NRXN3: variants seen among roughly 807,000 people sequenced by gnomAD.
NRXN3 encodes the protein neurexin 3.
A neutral mutation model predicts 137.6 loss-of-function variants in NRXN3; 32 were observed. The observed-to-expected ratio is 0.23, with a 90% confidence interval of 0.18 to 0.31. The LOEUF is 0.31. Ranked by LOEUF, NRXN3 falls within the 10% of genes least tolerant of loss-of-function variation. The probability of loss-of-function intolerance (pLI) is 1.00; values close to 1 mark genes in which losing one functional copy is unlikely to be tolerated. For missense variants in NRXN3, 1,574 were observed against 2,062.5 expected, an observed-to-expected ratio of 0.76 and a Z score of 4.59; for synonymous variants, 798 against 784.5, an observed-to-expected ratio of 1.02 and a Z score of -0.29.
chr14:78,754,507 A>C (rs1306268476), intron 8 of NRXN3, among the ~76,000 whole-genome samples: 2 of 152,224 alleles, frequency 1.3e-5, no homozygotes, highest in Admixed American at 1.3e-4. Flanking sequence ...TGCAGATCTC[A>C]GTTTCAAGGT....
intron 6 of NRXN3, among the ~76,000 whole-genome samples, chr14:78,677,537 G>C (rs147667668): frequency 1.3e-5 from 2 of 152,104 alleles, no homozygotes; most frequent in African/African-American, 4.8e-5. Flanking sequence ...CAATAAAAGA[G>C]CAGTTTCTTG....
intron 4 of NRXN3, among the ~76,000 whole-genome samples, chr14:78,473,167 C>T (rs1050648936): frequency 3.3e-5 from 5 of 151,984 alleles, no homozygotes; most frequent in African/African-American, 1.2e-4. Flanking sequence ...CTTTGGGAGG[C>T]CGAGGTGGGT....
chr14:78,957,440 A>G (rs1597880382), intron 11 of NRXN3, 79 bp downstream of exon 11: 1 of 1,511,044 alleles, frequency 6.6e-7, no homozygotes, highest in South Asian at 1.3e-5. Flanking sequence ...AGTGTTTTGC[A>G]AAACCTTTTA....
rs1450471661 is a variant in NRXN3, at chr14:79,526,133, C to T, written c.3444+58731C>T. On this transcript the variant is annotated intron_variant, in intron 16 of 20. Transcript: ENST00000335750. ...CGTGATCTCGGCTCACTGCAACCTCCACCTCCTGGGTTCAAGCAATTCTCC... is the reference window on the plus strand; with the variant it reads ...CGTGATCTCGGCTCACTGCAACCTCTACCTCCTGGGTTCAAGCAATTCTCC... 2.0e-5 allele frequency among the ~76,000 whole-genome samples: 3 copies of T among 152,108 alleles called. 1 individual carries two copies. The highest frequency in any genetic ancestry group is 4.8e-5 in the African/African-American group (2 of 41,428).
At chr14:79,362,650 T>C (rs571050849) in intron 15 of NRXN3, among the ~76,000 whole-genome samples, 2 of 152,146 alleles carry the variant, frequency 1.3e-5, no homozygotes, top group South Asian at 4.1e-4. Flanking sequence ...CTTTACACAA[T>C]TGTAAAACAA....
chr14:78,988,350 G>A, intron 15 of NRXN3: 1 of 587,090 alleles, frequency 1.7e-6, no homozygotes, highest in East Asian at 3.2e-5. Context: ...TCTCCCACTT[G>A]CTCACTCCCT....
chr14:79,828,716 T>C (rs12589026), intron 20 of NRXN3, among the ~76,000 whole-genome samples: 88,824 of 147,108 alleles, frequency 0.6, 27,271 homozygotes, highest in African/African-American at 0.73. Flanking sequence ...TTGACTGGAA[T>C]AGTCATGGGA....
chr14:78,171,737 T>A (rs548916188), intron 1 of NRXN3, among the ~76,000 whole-genome samples: 3 of 146,918 alleles, frequency 2.0e-5, no homozygotes, highest in Non-Finnish European at 3.0e-5. Flanking sequence ...TGATTACTTG[T>A]TAAAAAAAAA....
At chr14:79,627,544 T>C (rs1222997984) in intron 16 of NRXN3, among the ~76,000 whole-genome samples, 1 of 152,234 alleles carries the variant, frequency 6.6e-6, no homozygotes, top group Non-Finnish European at 1.5e-5. Context: ...TATTGCTTGA[T>C]ACATTTCCGA....
At chr14:79,574,747 C>G (rs943189998) in intron 16 of NRXN3, among the ~76,000 whole-genome samples, 9 of 151,916 alleles carry the variant, frequency 5.9e-5, no homozygotes, top group African/African-American at 2.2e-4. Flanking sequence ...GTTTGGCCCA[C>G]AATAAAGAAG....
Position 79,169,019 on chromosome 14 carries a change from A to T in NRXN3, c.3262+180878A>T, listed in dbSNP as rs559369622. 2.6e-5 allele frequency among the ~76,000 whole-genome samples: 4 copies of T among 152,180 alleles called. No homozygotes were observed. The South Asian group carries it at 8.3e-4, about 32-fold the overall frequency. ...AAGAATATGTGATTATCAGTTGGTT[A>T]GTGGCTGGCTTGCTTTGGATAGTCA... On this transcript the variant is annotated intron_variant, in intron 15 of 20. Transcript: ENST00000335750.
chr14:78,524,476 A>G (rs1194749185), intron 4 of NRXN3, among the ~76,000 whole-genome samples: 2 of 152,232 alleles, frequency 1.3e-5, no homozygotes, highest in Non-Finnish European at 2.9e-5. Context: ...GCATGGCAGA[A>G]TGCCTGGAGG....
rs558607063 is a variant in NRXN3, at chr14:78,421,701, T to C, written c.757+123841T>C. Among the ~76,000 whole-genome samples the C allele has an allele frequency of 3.7e-4, 57 of 152,290 alleles. 1 individual carries two copies. The South Asian group carries it at 0.012, about 31-fold the overall frequency. ...TTCTTTCTTTCTTTCATTTTATTTT[T>C]TAAAAAAGAGATGGAGTCTCACTAT... On this transcript the variant is annotated intron_variant, in intron 4 of 20. Coordinates refer to ENST00000335750, the MANE Select transcript of NRXN3 (RefSeq NM_001330195.2).
chr14:79,388,111 AAGT>A (rs1317032052), intron 15 of NRXN3, among the ~76,000 whole-genome samples: 10 of 151,712 alleles, frequency 6.6e-5, no homozygotes, highest in Admixed American at 3.9e-4. Context: ...ATAAAAAAAA[AAGT>A]AGGATATTTT....
At chr14:79,668,638 A>G (rs2098584790) in intron 17 of NRXN3, among the ~76,000 whole-genome samples, 1 of 152,112 alleles carries the variant, frequency 6.6e-6, no homozygotes, top group African/African-American at 2.4e-5. Flanking sequence ...GGAGTAGTCT[A>G]GTTAGTAAGG....
At chr14:79,665,803 T>C (rs1353380064) in intron 17 of NRXN3, among the ~76,000 whole-genome samples, 2 of 152,136 alleles carry the variant, frequency 1.3e-5, no homozygotes, top group African/African-American at 4.8e-5. Flanking sequence ...TTTGGTGTCT[T>C]TCTTTAGTTC....
chr14:78,461,718 TG>T (rs2094927045), intron 4 of NRXN3, among the ~76,000 whole-genome samples: 2 of 152,270 alleles, frequency 1.3e-5, no homozygotes, highest in East Asian at 3.9e-4. Context: ...GAGTGCAGGG[TG>T]GGTTCAAGGC....
At chr14:79,416,013 G>A (rs926500353) in intron 15 of NRXN3, among the ~76,000 whole-genome samples, 19 of 152,218 alleles carry the variant, frequency 1.2e-4, no homozygotes, top group African/African-American at 4.1e-4. Flanking sequence ...TAATTGGGTA[G>A]AGGAGGCAGC....
At chr14:78,526,329 C>T (rs2096378684) in intron 4 of NRXN3, among the ~76,000 whole-genome samples, 1 of 152,306 alleles carries the variant, frequency 6.6e-6, no homozygotes, top group South Asian at 2.1e-4. Context: ...TTTGAAGAGA[C>T]CCCTGGGCCT....
Sources: allele counts gnomAD v4.1 joint callset (sites outside exome capture counted in the v4.1 genomes callset), GRCh38; gene constraint gnomAD v4.1.1; transcripts MANE v1.5; gene names NCBI Gene and HGNC (gene_info 2026-07-23, HGNC 2026-07-21).